Variants in HAVCR2 observed in about 807,000 individuals in gnomAD.
HAVCR2 encodes hepatitis A virus cellular receptor 2, also known as T cell immunoglobulin mucin 3.
Under a neutral mutation model 24.7 loss-of-function variants are expected in HAVCR2, and 13 were observed. The ratio of observed to expected loss-of-function variants is 0.53; its 90% CI spans 0.34 to 0.84. HAVCR2 has a LOEUF of 0.84. Ranked by LOEUF, HAVCR2 falls within the 40% of genes least tolerant of loss-of-function variation. The pLI is 0.01. For synonymous variants in HAVCR2, 154 were observed against 143.4 expected, an observed-to-expected ratio of 1.07 and a Z score of -0.53; for missense variants, 343 against 371.2, an observed-to-expected ratio of 0.92 and a Z score of 0.62.
intron 5 of HAVCR2, 128 bp downstream of exon 5, chr5:157,095,178 G>T: frequency 1.0e-6 from 1 of 956,710 alleles, no homozygotes; most frequent in Non-Finnish European, 1.5e-6. Flanking sequence ...TTAGGATTTG[G>T]ATGGACAAAA....
At chr5:157,099,713 C>T (rs889842403) in intron 3 of HAVCR2, among the ~76,000 whole-genome samples, 3 of 148,410 alleles carry the variant, frequency 2.0e-5, no homozygotes, top group Non-Finnish European at 4.5e-5. Flanking sequence ...TTTCTTTTTG[C>T]GAGACAGAAT....
chr5:157,107,014 C>A, intron 1 of HAVCR2, 52 bp from the exon 2 acceptor site: 3 of 1,454,492 alleles, frequency 2.1e-6, no homozygotes, highest in South Asian at 1.3e-5. Flanking sequence ...TGAGGTTACT[C>A]CATTTCAGGA....
chr5:157,096,120 G>A (rs1217625072), intron 4 of HAVCR2, among the ~76,000 whole-genome samples: 1 of 151,632 alleles, frequency 6.6e-6, no homozygotes, highest in South Asian at 2.1e-4. Flanking sequence ...TAGCTAGTGG[G>A]GAGGCTGAGG....
chr5:157,092,918 A>AAAAAAAAAAAAAG (rs1581756437), intron 5 of HAVCR2, among the ~76,000 whole-genome samples: 2 of 119,988 alleles, frequency 1.7e-5, no homozygotes, highest in African/African-American at 2.9e-5. Context: ...AAAAAAAAAA[A>AAAAAAAAAAAAAG]CTAGCCAGGT....
chr5:157,095,180 T>C (rs1757076388), intron 5 of HAVCR2, 126 bp downstream of exon 5: 2 of 980,730 alleles, frequency 2.0e-6, no homozygotes, highest in Non-Finnish European at 3.0e-6. Flanking sequence ...AGGATTTGGA[T>C]GGACAAAAGG....
intron 3 of HAVCR2, 107 bp downstream of exon 3, chr5:157,104,559 C>A (rs1757219085): frequency 5.6e-6 from 4 of 717,966 alleles, no homozygotes; most frequent in Non-Finnish European, 9.5e-6. Flanking sequence ...ACGGAGATAT[C>A]CATGCCTCCA....
At chr5:157,104,631 C>A in intron 3 of HAVCR2, 35 bp downstream of exon 3, 1 of 1,447,438 alleles carries the variant, frequency 6.9e-7, no homozygotes, top group Non-Finnish European at 9.6e-7. Context: ...TCAGAGCCAG[C>A]TAAAGATTCC....
Position 157,106,980 on chromosome 5 carries a change from G to T in HAVCR2, c.59-18C>A. 1 of 1,589,762 alleles carries T rather than the reference G, an allele frequency of 6.3e-7. No homozygotes were observed. Among genetic ancestry groups the T allele is most frequent in the Non-Finnish European group, 8.6e-7 (1 of 1,164,934 alleles). Reference sequence around the variant, plus strand: ...TGAGGACCCTGCATAGAGAGAGAAGGAGAGCCAAGACTCAAGCGGTGAGTG... The same window carrying T: ...TGAGGACCCTGCATAGAGAGAGAAGTAGAGCCAAGACTCAAGCGGTGAGTG... On this transcript the variant is annotated intron_variant, in intron 1 of 6. Transcript: ENST00000307851.
intron 1 of HAVCR2, 36 bp from the exon 2 acceptor site, chr5:157,106,998 G>C: frequency 1.3e-6 from 2 of 1,531,724 alleles, no homozygotes; most frequent in Non-Finnish European, 1.8e-6. Flanking sequence ...AGACTCAAGC[G>C]GTGAGTGAGG....
chr5:157,097,630 G>A (rs1219305628), intron 4 of HAVCR2, among the ~76,000 whole-genome samples: 1 of 151,708 alleles, frequency 6.6e-6, no homozygotes, highest in Non-Finnish European at 1.5e-5. Context: ...AGGGAATTTC[G>A]CTCTTGTTGC....
intron 2 of HAVCR2, 166 bp from the exon 3 acceptor site, chr5:157,104,915 A>T: frequency 2.2e-6 from 1 of 464,464 alleles, no homozygotes; most frequent in Non-Finnish European, 3.9e-6. Context: ...TGTATCACAC[A>T]CTTCAAATGT....
intron 5 of HAVCR2, among the ~76,000 whole-genome samples, chr5:157,094,110 G>A (rs976304717): frequency 1.7e-4 from 24 of 143,612 alleles, no homozygotes; most frequent in African/African-American, 3.4e-4. Context: ...TGCAATCACC[G>A]CTCACTGCAG....
intron 4 of HAVCR2, 118 bp from the exon 5 acceptor site, chr5:157,095,577 T>C (rs13170556): frequency 0.15 from 159,083 of 1,066,734 alleles, 12,495 homozygotes; most frequent in South Asian, 0.22. Flanking sequence ...GCTGAGTCCT[T>C]CAAATCACCT....
In HAVCR2 at chr5:157,087,045, C is replaced by G. The variant is rs1226501329; in HGVS notation, c.*57G>C. ...AACCTCCAAAACCAGTCAGGTGACA[C>G]AGCTCATAGTTTCTGAAAAAGACAA... On this transcript the variant is annotated 3_prime_UTR_variant, in exon 7 of 7. Transcript: ENST00000307851. 71 of 1,512,340 alleles carry G rather than the reference C, an allele frequency of 4.7e-5. No homozygotes were observed. The highest frequency in any genetic ancestry group is 5.8e-5 in the Non-Finnish European group (64 of 1,097,104). The allele number at this position is 1,512,340 out of a possible 1,614,324, so 93.7% of individuals were successfully genotyped here.
At chr5:157,100,241 G>A (rs73308313) in intron 3 of HAVCR2, among the ~76,000 whole-genome samples, 18,187 of 152,178 alleles carry the variant, frequency 0.12, 1,307 homozygotes, top group African/African-American at 0.2. Flanking sequence ...GGGAAGTGAA[G>A]TGACTAACCC....
At position 157,104,672 on chromosome 5, in the gene HAVCR2, C is replaced by T; in HGVS notation, c.472G>A (p.Gly158Ser). The T allele has an allele frequency of 6.3e-7, 1 of 1,599,964 alleles. No individual in the cohort carries two copies. Among genetic ancestry groups the T allele is most frequent in the Non-Finnish European group, 8.5e-7 (1 of 1,171,668 alleles). ...FPRMLTTRGH[G>S]PAETQTLGSL... ...CTGCCCCATGCATAGTTACCTGGGC[C>T]ATGTCCCCTGGTGGTAAGCATCCTT... Residue 158 changes from glycine (G) to serine (S), a missense_variant, in exon 3 of 7, where the codon GGC (glycine) becomes AGC (serine). By Grantham distance (56) the Gly-to-Ser change is moderately conservative. Transcript: ENST00000307851.
intron 3 of HAVCR2, among the ~76,000 whole-genome samples, chr5:157,100,582 T>G (rs1192084961): frequency 6.6e-6 from 1 of 152,226 alleles, no homozygotes; most frequent in African/African-American, 2.4e-5. Context: ...AAACTAAGCA[T>G]GCTTACTCAT....
chr5:157,093,079 A>C (rs1178313391), intron 5 of HAVCR2, among the ~76,000 whole-genome samples: 1 of 85,500 alleles, frequency 1.2e-5, no homozygotes, highest in African/African-American at 3.9e-5. Context: ...CAATAATAAT[A>C]AATATATATA....
intron 4 of HAVCR2, among the ~76,000 whole-genome samples, chr5:157,095,707 TAAA>T (rs35269370): frequency 7.7e-6 from 1 of 129,988 alleles, no homozygotes; most frequent in Non-Finnish European, 1.6e-5. Context: ...AAGGAGCTCT[TAAA>T]AAAAAAAAAA....
Sources: allele counts gnomAD v4.1 joint callset (sites outside exome capture counted in the v4.1 genomes callset), GRCh38; gene constraint gnomAD v4.1.1; transcripts MANE v1.5; gene names NCBI Gene and HGNC (gene_info 2026-07-23, HGNC 2026-07-21).